TAOK2: variants seen among roughly 807,000 people sequenced by gnomAD.
The protein encoded by TAOK2 is serine/threonine-protein kinase TAO2.
TAOK2 carries 42 observed loss-of-function variants against 122.5 expected under a neutral mutation model. The observed-to-expected ratio is 0.34, with a 90% CI of 0.27 to 0.44. TAOK2 has a LOEUF of 0.44. Ranked by LOEUF, TAOK2 falls within the 20% of genes least tolerant of loss-of-function variation. The pLI, the probability that TAOK2 is intolerant of heterozygous loss-of-function variation, is 1.00. For missense variants in TAOK2, 1,264 were observed against 1,644.9 expected (o/e 0.77, Z 4.01); for synonymous variants, 704 against 677.6 (o/e 1.04, Z -0.61).
chr16:29,981,965 C>T, intron 10 of TAOK2, 25 bp downstream of exon 10: 4 of 1,583,140 alleles, frequency 2.5e-6, no homozygotes, highest in Non-Finnish European at 2.6e-6. Context: ...GCCTAGCATT[C>T]TCCTGGAACT....
chr16:29,991,340 T>C, downstream of TAOK2: 4 of 1,600,322 alleles, frequency 2.5e-6, no homozygotes, highest in Non-Finnish European at 8.5e-7. This position sits in a 1 kb window ranked among gnomAD's most constrained non-coding sequence, Gnocchi z 5.6. Flanking sequence ...CTCTGCTGGC[T>C]CCCCCAGGCC....
Position 29,985,884 on chromosome 16 carries a change from C to T in TAOK2, c.1992+23C>T, listed in dbSNP as rs776732403. The T allele has an allele frequency of 1.0e-5, 16 of 1,605,618 alleles. No individual in the cohort carries two copies. The highest frequency in any genetic ancestry group is 1.4e-5 in the Non-Finnish European group (16 of 1,176,262). On this transcript the variant is annotated intron_variant, in intron 15 of 15. Transcript: ENST00000308893. This position sits in a 1 kb window ranked among gnomAD's most constrained non-coding sequence, Gnocchi z 6.9. ...GAGGTAGGCATCCCAATCTCTGTTC[C>T]CCTCCCGCTCACTCGTGGATCCCAG...
At position 29,985,014 on chromosome 16, in the gene TAOK2, C is replaced by T; in HGVS notation, c.1423-199C>T. ...GTGCTCGCCACCTTTTATCATTCGGCCACACCAACTTGTGATGTAGATAAT... is the reference window on the plus strand; with the variant it reads ...GTGCTCGCCACCTTTTATCATTCGGTCACACCAACTTGTGATGTAGATAAT... On this transcript the variant is annotated intron_variant, in intron 13 of 15. Coordinates refer to ENST00000308893, the MANE Select transcript of TAOK2 (RefSeq NM_016151.4). This position sits in a 1 kb window ranked among gnomAD's most constrained non-coding sequence, Gnocchi z 6.9. The T allele has an allele frequency of 1.6e-6, 1 of 607,280 alleles. No individual in the cohort carries two copies. Among genetic ancestry groups the T allele is most frequent in the Non-Finnish European group, 2.5e-6 (1 of 403,726 alleles). 37.6% of individuals were successfully genotyped at this position (607,280 alleles called of 1,614,324 possible).
chr16:29,987,683 C>T lies in TAOK2; in HGVS notation c.3411C>T (p.Pro1137=). 2 of 1,614,034 alleles carry T rather than the reference C, an allele frequency of 1.2e-6. No homozygotes were observed. The highest frequency in any genetic ancestry group is 1.7e-6 in the Non-Finnish European group (2 of 1,179,940). The part of the protein sequence containing the change: ...LPVPGPRRRN[P]RTTQHPLALL... ...TCCCTGGGCCCCGGCGGCGTAATCC[C>T]CGCACCACCCAACACCCATTAGCTC... Residue 1137 remains proline (P), a synonymous_variant, in exon 16 of 16, where the codon CCC becomes CCT. Transcript: ENST00000308893.
chr16:29,980,175 CT>C (rs1452041426), intron 8 of TAOK2, among the ~76,000 whole-genome samples: 4 of 152,176 alleles, frequency 2.6e-5, no homozygotes, highest in African/African-American at 9.7e-5. Context: ...TTCCTAAGGC[CT>C]TGAAGCCATG....
In TAOK2 at chr16:29,985,995, C is replaced by G. The variant is rs2069778131; in HGVS notation, c.1992+134C>G. ...ACAGTTCAGCTTTGCTTCAGTGCCC[C>G]TTTTACTTCTCATCCCCAACAGACC... On this transcript the variant is annotated intron_variant, in intron 15 of 15. Transcript: ENST00000308893. The surrounding 1 kb of genome is among the most constrained non-coding windows in gnomAD (Gnocchi z 6.9). The G allele has an allele frequency of 1.7e-6, 2 of 1,179,422 alleles. No individual in the cohort carries two copies. Among genetic ancestry groups the G allele is most frequent in the Non-Finnish European group, 2.4e-6 (2 of 843,212 alleles). 73.1% of individuals were successfully genotyped at this position (1,179,422 alleles called of 1,614,324 possible). A position where few individuals can be genotyped will look rare whatever the true frequency, so the allele number is the denominator to read the frequency against.
intron 1 of TAOK2, among the ~76,000 whole-genome samples, chr16:29,977,439 G>T (rs1261554071): frequency 6.6e-6 from 1 of 152,174 alleles, no homozygotes; most frequent in Non-Finnish European, 1.5e-5. Flanking sequence ...GGGAGATACA[G>T]GGGCTATAGG....
chr16:29,983,302 C>T lies in TAOK2; in HGVS notation c.1230C>T (p.Thr410=). 6.2e-7 allele frequency: 1 copy of T among 1,601,968 alleles called. No homozygotes were observed. Among genetic ancestry groups the T allele is most frequent in the Non-Finnish European group, 8.5e-7 (1 of 1,179,090 alleles). ...TGCAGGAGGGGGAGCACACAGTCAC[C>T]TCTCACAGCTCCATTATCCACCGGC... ...AMMQEGEHTV[T]SHSSIIHRLP... Residue 410 remains threonine (T), a synonymous_variant, in exon 12 of 16, where the codon ACC becomes ACT. Transcript: ENST00000308893.
chr16:29,982,419 A>T (rs2069646012), intron 10 of TAOK2, among the ~76,000 whole-genome samples: 1 of 152,226 alleles, frequency 6.6e-6, no homozygotes, highest in Non-Finnish European at 1.5e-5. Flanking sequence ...TAATTGTAGG[A>T]TACTGTATGA....
At chr16:29,991,370 C>G (rs2150911846), downstream of TAOK2, 1 of 1,588,018 alleles carries the variant, frequency 6.3e-7, no homozygotes, top group East Asian at 2.3e-5. The surrounding 1 kb of genome is among the most constrained non-coding windows in gnomAD (Gnocchi z 5.6). Flanking sequence ...GGCTGGGGCC[C>G]CCCACACAAA....
chr16:29,988,342 C>G lies in TAOK2; in HGVS notation c.*362C>G. 7.2e-7 allele frequency: 1 copy of G among 1,390,140 alleles called. No homozygotes were observed. Among genetic ancestry groups the G allele is most frequent in the Non-Finnish European group, 9.5e-7 (1 of 1,054,646 alleles). 86.1% of individuals were successfully genotyped at this position (1,390,140 alleles called of 1,614,324 possible). A position where few individuals can be genotyped will look rare whatever the true frequency, so the allele number is the denominator to read the frequency against. On this transcript the variant is annotated 3_prime_UTR_variant, in exon 16 of 16. Coordinates refer to ENST00000308893, the MANE Select transcript of TAOK2 (RefSeq NM_016151.4). ...TGTCTCCCTTCCAACCTGTCCCCTT[C>G]CCCCCACCAAAAAAAGAAAAAGACA...
chr16:29,986,940 G>T lies in TAOK2; in HGVS notation c.2668G>T (p.Val890Phe). Residue 890 changes from valine (V) to phenylalanine (F), a missense_variant, in exon 16 of 16, where the codon GTC (valine) becomes TTC (phenylalanine). Val to Phe is a conservative substitution (Grantham distance 50). Coordinates refer to ENST00000308893, the MANE Select transcript of TAOK2 (RefSeq NM_016151.4). The surrounding 1 kb of genome is among the most constrained non-coding windows in gnomAD (Gnocchi z 4.2). ...LLDEEFELGWVQGPALTPVPE... is the reference protein window; with the variant it reads ...LLDEEFELGWFQGPALTPVPE... ...GGATGAGGAGTTTGAGCTTGGCTGG[G>T]TCCAGGGCCCAGCACTGACTCCCGT... The T allele has an allele frequency of 1.9e-6, 3 of 1,614,094 alleles. No individual in the cohort carries two copies. Among genetic ancestry groups the T allele is most frequent in the Non-Finnish European group, 2.5e-6 (3 of 1,179,960 alleles).
Position 29,978,325 on chromosome 16 carries a change from G to A in TAOK2, c.278G>A (p.Gly93Asp). The change falls in exon 4 of 16, where the codon GGC (glycine) becomes GAC (aspartate). Residue 93 changes from glycine to aspartate, a missense_variant. This residue lies in a region of TAOK2 where 254 missense variants were observed against 503.8 expected (regional missense o/e 0.50). Coordinates refer to ENST00000308893, the MANE Select transcript of TAOK2 (RefSeq NM_016151.4). Reference protein sequence around the residue: ...LRHPNTIQYRGCYLREHTAWL... With the variant: ...LRHPNTIQYRDCYLREHTAWL... ...CATCCCAACACCATTCAGTACCGGGGCTGTTACCTGAGGGAGCACACGGCT... is the reference window on the plus strand; with the variant it reads ...CATCCCAACACCATTCAGTACCGGGACTGTTACCTGAGGGAGCACACGGCT... The A allele has an allele frequency of 6.2e-7, 1 of 1,614,098 alleles. No homozygotes were observed. The highest frequency in any genetic ancestry group is 8.5e-7 in the Non-Finnish European group (1 of 1,180,016).
chr16:29,976,364 C>T (rs2069453724), intron 1 of TAOK2, among the ~76,000 whole-genome samples: 1 of 152,216 alleles, frequency 6.6e-6, no homozygotes, highest in African/African-American at 2.4e-5. Context: ...CCTCTGCACC[C>T]TGGGGGCCCA....
rs150471748 is a variant in TAOK2, at chr16:29,976,551, T to A, written c.-35-1187T>A. ...GCTCTGCTGAAGGCTCCTTTGTGCC[T>A]AAATTCTGACAAGTGCTTAGGCTGG... On this transcript the variant is annotated intron_variant, in intron 1 of 15. Transcript: ENST00000308893. Among the ~76,000 whole-genome samples the A allele has an allele frequency of 1.8e-3, 267 of 152,382 alleles. 1 individual carries two copies. The highest frequency in any genetic ancestry group is 3.4e-3 in the Middle Eastern group (1 of 294).
At chr16:29,984,216 C>T (rs973498214) in intron 13 of TAOK2, among the ~76,000 whole-genome samples, 26 of 152,332 alleles carry the variant, frequency 1.7e-4, no homozygotes, top group African/African-American at 6.3e-4. Flanking sequence ...TCCCAGCCCC[C>T]CTGGGAGGGG....
chr16:29,982,278 A>G (rs2069642044), intron 10 of TAOK2, among the ~76,000 whole-genome samples: 1 of 152,160 alleles, frequency 6.6e-6, no homozygotes, highest in African/African-American at 2.4e-5. Context: ...TCATGGGTAA[A>G]TGTATGATTT....
At chr16:29,974,709 C>T (rs868608683) in intron 1 of TAOK2, 61 bp downstream of exon 1, 2 of 152,534 alleles carry the variant, frequency 1.3e-5, no homozygotes, top group Non-Finnish European at 2.9e-5. Context: ...AAAGGGTGCG[C>T]CTTTCTGAGA....
Position 29,977,898 on chromosome 16 carries a change from A to T in TAOK2, c.126A>T (p.Val42=). 6.2e-7 allele frequency: 1 copy of T among 1,614,146 alleles called. No homozygotes were observed. Among genetic ancestry groups the T allele is most frequent in the Non-Finnish European group, 8.5e-7 (1 of 1,180,006 alleles). Residue 42 remains valine (V), a synonymous_variant, in exon 2 of 16, where the codon GTA becomes GTT. Transcript: ENST00000308893. ...TTGGCCATGGCAGCTTTGGAGCCGT[A>T]TACTTTGTGAGTTGGGTCTTGGGAG... ...REIGHGSFGA[V]YFARDVRNSE...
Sources: gnomAD v4.1 joint callset for allele counts (sites outside exome capture counted in the v4.1 genomes callset) on GRCh38, gnomAD v4.1.1 for gene constraint, gnomAD v4.1.1 regional missense constraint, Gnocchi (gnomAD v3.1) non-coding constraint, MANE v1.5 for transcripts, NCBI Gene and HGNC (gene_info 2026-07-23, HGNC 2026-07-21) for gene names.